SLC16A10: variants seen among roughly 807,000 people sequenced by gnomAD.
SLC16A10 encodes the protein solute carrier family 16 member 10.
A neutral mutation model predicts 40.0 loss-of-function variants in SLC16A10; 27 were observed. The observed-to-expected ratio is 0.67, with a 90% CI of 0.50 to 0.93. The LOEUF (loss-of-function observed/expected upper bound fraction) is 0.93. Ranked by LOEUF, SLC16A10 falls within the 40% of genes least tolerant of loss-of-function variation. The probability of loss-of-function intolerance (pLI) is 0.00; values close to 1 mark genes in which losing one functional copy is unlikely to be tolerated. For missense variants in SLC16A10, 529 were observed against 658.2 expected (o/e 0.80, Z 2.15); for synonymous variants, 213 against 249.8 (o/e 0.85, Z 1.39).
At chr6:111,104,897 TAAA>T (rs948275471) in intron 1 of SLC16A10, among the ~76,000 whole-genome samples, 1 of 142,854 alleles carries the variant, frequency 7.0e-6, no homozygotes. Flanking sequence ...GCTTTGGTCT[TAAA>T]AAAAAAAAAA....
At position 111,228,719 on chromosome 6, in the gene SLC16A10, G is replaced by A. The variant is rs1354067885; in HGVS notation, c.*6484G>A. 1 of 152,028 alleles carries A rather than the reference G, an allele frequency of 6.6e-6. No individual in the cohort carries two copies. The highest frequency in any genetic ancestry group is 1.5e-5 in the Non-Finnish European group (1 of 68,014). 9.4% of individuals were successfully genotyped at this position (152,028 alleles called of 1,614,324 possible). A position where few individuals can be genotyped will look rare whatever the true frequency, so the allele number is the denominator to read the frequency against. On this transcript the variant is annotated 3_prime_UTR_variant, in exon 6 of 6. Coordinates refer to ENST00000368851, the MANE Select transcript of SLC16A10 (RefSeq NM_018593.5). ...AGTCTATATTGAAATGTTATTTCAG[G>A]AATGGAGGGTTTGTTATTAATAGTG...
intron 3 of SLC16A10, among the ~76,000 whole-genome samples, chr6:111,184,065 C>T (rs1471855554): frequency 1.3e-5 from 2 of 152,134 alleles, no homozygotes; most frequent in African/African-American, 2.4e-5. Context: ...TAACTTTTCT[C>T]ATCGGCATGA....
chr6:111,190,802 G>A (rs1050248932), intron 3 of SLC16A10, among the ~76,000 whole-genome samples: 1 of 152,220 alleles, frequency 6.6e-6, no homozygotes, highest in Non-Finnish European at 1.5e-5. Flanking sequence ...CCACACAGCA[G>A]GGGGACTCTG....
chr6:111,204,296 C>T (rs1208473371), intron 3 of SLC16A10, among the ~76,000 whole-genome samples: 4 of 152,002 alleles, frequency 2.6e-5, no homozygotes, highest in Non-Finnish European at 4.4e-5. Context: ...CAGTTTCTGC[C>T]ATGGGTAGTT....
chr6:111,215,687 A>G (rs1046240789), intron 4 of SLC16A10, among the ~76,000 whole-genome samples: 1 of 152,198 alleles, frequency 6.6e-6, no homozygotes, highest in African/African-American at 2.4e-5. Flanking sequence ...ATGTTTGTAC[A>G]TAGAATAAAA....
intron 1 of SLC16A10, among the ~76,000 whole-genome samples, chr6:111,169,593 G>A (rs1772544417): frequency 6.6e-6 from 1 of 152,228 alleles, no homozygotes; most frequent in Non-Finnish European, 1.5e-5. Flanking sequence ...CCCTTCCCAG[G>A]TTCCCTGGGG....
At chr6:111,211,744 T>G (rs896896778) in intron 4 of SLC16A10, among the ~76,000 whole-genome samples, 15 of 152,198 alleles carry the variant, frequency 9.9e-5, no homozygotes, top group Admixed American at 9.2e-4. Context: ...CTCTCTCTCC[T>G]TTTTCATGGC....
intron 1 of SLC16A10, among the ~76,000 whole-genome samples, chr6:111,123,566 C>T (rs960176620): frequency 6.6e-6 from 1 of 152,200 alleles, no homozygotes; most frequent in Non-Finnish European, 1.5e-5. Flanking sequence ...CTAAGACTTG[C>T]TGCTGCCTCA....
chr6:111,182,856 G>C (rs549521407), intron 3 of SLC16A10, among the ~76,000 whole-genome samples: 1 of 152,038 alleles, frequency 6.6e-6, no homozygotes, highest in African/African-American at 2.4e-5. Flanking sequence ...AAGAAATCCT[G>C]GTGGCTTTTC....
At chr6:111,162,908 T>G (rs569173010) in intron 1 of SLC16A10, among the ~76,000 whole-genome samples, 3 of 152,038 alleles carry the variant, frequency 2.0e-5, no homozygotes, top group African/African-American at 7.2e-5. Context: ...ACATTTCAGC[T>G]CTTCATGAGT....
intron 1 of SLC16A10, among the ~76,000 whole-genome samples, chr6:111,107,057 T>C (rs1270543200): frequency 6.6e-6 from 1 of 152,188 alleles, no homozygotes; most frequent in East Asian, 1.9e-4. Context: ...TAGATACATA[T>C]TTTGAACTAG....
At chr6:111,154,430 A>G (rs1772231022) in intron 1 of SLC16A10, among the ~76,000 whole-genome samples, 2 of 152,188 alleles carry the variant, frequency 1.3e-5, no homozygotes, top group African/African-American at 4.8e-5. Context: ...GTCAGGGCCT[A>G]TATAGTTGTT....
intron 4 of SLC16A10, among the ~76,000 whole-genome samples, chr6:111,215,080 C>A (rs187584869): frequency 6.6e-6 from 1 of 151,968 alleles, no homozygotes; most frequent in African/African-American, 2.4e-5. Context: ...GATCGCGCCA[C>A]TGCACTCCAG....
At position 111,188,884 on chromosome 6, in the gene SLC16A10, A is replaced by G. The variant is rs78170363; in HGVS notation, c.942+11219A>G. On this transcript the variant is annotated intron_variant, in intron 3 of 5. Coordinates refer to ENST00000368851, the MANE Select transcript of SLC16A10 (RefSeq NM_018593.5). ...TGCTAATAGTGGTTCTTCTACTAAT[A>G]GATAAGAACATTGAGGCTCAGAGAG... is the stretch of plus-strand genomic sequence containing the variant. Among the ~76,000 whole-genome samples, 12 of 152,336 alleles carry G rather than the reference A, an allele frequency of 7.9e-5. 1 individual carries two copies. In the East Asian group the frequency reaches 2.3e-3, roughly 29 times the overall value.
chr6:111,115,250 G>A (rs1771464570), intron 1 of SLC16A10, among the ~76,000 whole-genome samples: 1 of 152,108 alleles, frequency 6.6e-6, no homozygotes, highest in South Asian at 2.1e-4. Flanking sequence ...TGAAGTCTCC[G>A]CCCAGGCTGG....
At chr6:111,106,302 T>C (rs1472996867) in intron 1 of SLC16A10, among the ~76,000 whole-genome samples, 2 of 152,206 alleles carry the variant, frequency 1.3e-5, no homozygotes, top group Non-Finnish European at 1.5e-5. Context: ...CTTCAAAACA[T>C]GGTGTTCTAT....
At chr6:111,201,603 A>G (rs529934462) in intron 3 of SLC16A10, among the ~76,000 whole-genome samples, 9 of 152,352 alleles carry the variant, frequency 5.9e-5, no homozygotes, top group African/African-American at 1.2e-4. Flanking sequence ...AATAAATTCC[A>G]TACACCTTAC....
chr6:111,144,759 T>C (rs1435474016), intron 1 of SLC16A10, among the ~76,000 whole-genome samples: 5 of 152,270 alleles, frequency 3.3e-5, no homozygotes, highest in Admixed American at 6.5e-5. Flanking sequence ...TATGTCAAGA[T>C]TTCTTGTTGA....
chr6:111,216,195 C>T (rs1195561180), intron 4 of SLC16A10, among the ~76,000 whole-genome samples: 3 of 152,206 alleles, frequency 2.0e-5, no homozygotes, highest in Non-Finnish European at 4.4e-5. Flanking sequence ...TAGTGTCCCT[C>T]TGAGCCCCAG....
Sources: allele counts gnomAD v4.1 joint callset (sites outside exome capture counted in the v4.1 genomes callset), GRCh38; gene constraint gnomAD v4.1.1; transcripts MANE v1.5; gene names NCBI Gene and HGNC (gene_info 2026-07-23, HGNC 2026-07-21).